The following PAH variants were observed in gnomAD, a reference collection of about 807,000 sequenced individuals.
PAH encodes phenylalanine-4-hydroxylase.
In PAH, 64 loss-of-function variants were observed where a neutral mutation model predicts 62.0. The observed-to-expected ratio is 1.03, with a 90% CI of 0.84 to 1.27. PAH has a LOEUF of 1.27. Ranked by LOEUF, PAH falls within the 50% of genes most tolerant of loss-of-function variation. The pLI is 0.00. For missense variants in PAH, 579 were observed against 542.8 expected, an observed-to-expected ratio of 1.07 and a Z score of -0.66; for synonymous variants, 195 against 196.2, an observed-to-expected ratio of 0.99 and a Z score of 0.05.
chr12:102,855,582 T>G (rs2136650186), intron 5 of PAH, among the ~76,000 whole-genome samples: 1 of 152,354 alleles, frequency 6.6e-6, no homozygotes, highest in East Asian at 1.9e-4. Context: ...TTGCTCTCAC[T>G]TTCGGGAAAT....
At chr12:102,929,622 C>A (rs1259642771) in intron 1 of PAH, among the ~76,000 whole-genome samples, 1 of 152,092 alleles carries the variant, frequency 6.6e-6, no homozygotes, top group African/African-American at 2.4e-5. Context: ...TTTGACAAGA[C>A]CACTCTGGCT....
chr12:102,859,091 G>A (rs995892394), intron 5 of PAH, among the ~76,000 whole-genome samples: 1 of 151,898 alleles, frequency 6.6e-6, no homozygotes, highest in Non-Finnish European at 1.5e-5. Context: ...GACTAATAAA[G>A]AAGAAAAGAG....
At chr12:102,841,720 T>C (rs1439031065) in intron 11 of PAH, among the ~76,000 whole-genome samples, 1 of 152,212 alleles carries the variant, frequency 6.6e-6, no homozygotes, top group African/African-American at 2.4e-5. Flanking sequence ...TACACATCTG[T>C]GATTTTGCCT....
At chr12:102,895,466 T>C (rs1045443214) in intron 2 of PAH, among the ~76,000 whole-genome samples, 18 of 152,166 alleles carry the variant, frequency 1.2e-4, no homozygotes, top group African/African-American at 3.6e-4. Context: ...CATAAGTTCA[T>C]TGGGAGTGTT....
At chr12:102,949,973 T>C (rs531169506) in intron 1 of PAH, among the ~76,000 whole-genome samples, 1 of 152,372 alleles carries the variant, frequency 6.6e-6, no homozygotes, top group Non-Finnish European at 1.5e-5. Context: ...TCAATGAGCA[T>C]GTCAGCCTTG....
chr12:102,853,377 A>ACCGAGATC, intron 6 of PAH: 1 of 304,610 alleles, frequency 3.3e-6, no homozygotes, highest in Non-Finnish European at 6.4e-6. Flanking sequence ...AAGAGTATGG[A>ACCGAGATC]TAGAGTGCTT....
intron 2 of PAH, among the ~76,000 whole-genome samples, chr12:102,903,315 C>T (rs537252514): frequency 2.0e-4 from 30 of 150,604 alleles, no homozygotes; most frequent in East Asian, 1.2e-3. Flanking sequence ...GGGCTGAGAT[C>T]GTACCAATGC....
At chr12:102,906,154 C>T (rs1877967509) in intron 2 of PAH, among the ~76,000 whole-genome samples, 1 of 151,996 alleles carries the variant, frequency 6.6e-6, no homozygotes. Context: ...AACATTAAAT[C>T]AACAAATTAC....
At chr12:102,862,642 A>C (rs1355955584) in intron 5 of PAH, among the ~76,000 whole-genome samples, 6 of 152,222 alleles carry the variant, frequency 3.9e-5, no homozygotes, top group African/African-American at 1.4e-4. Flanking sequence ...GATGTAAACC[A>C]AATAAAGCCT....
In PAH at chr12:102,856,192, A is replaced by G. The variant is rs891781961; in HGVS notation, c.510-860T>C. ...AATGCCTCATACCTTCTCTTCACTGAGCTTGTTCAAGTACATATGCCAGGC... is the reference window on the plus strand; with the variant it reads ...AATGCCTCATACCTTCTCTTCACTGGGCTTGTTCAAGTACATATGCCAGGC... On this transcript the variant is annotated intron_variant, in intron 5 of 12. Transcript: ENST00000553106. Among the ~76,000 whole-genome samples the G allele has an allele frequency of 7.9e-5, 12 of 152,272 alleles. No homozygotes were observed. The East Asian group carries it at 2.3e-3, about 29-fold the overall frequency.
chr12:102,945,611 TA>T (rs1197416722), intron 1 of PAH, among the ~76,000 whole-genome samples: 2 of 152,072 alleles, frequency 1.3e-5, no homozygotes, highest in Non-Finnish European at 2.9e-5. Flanking sequence ...ACTGCCAGGC[TA>T]TCACTGATCT....
At position 102,838,252 on chromosome 12, in the gene PAH, A is replaced by G. The variant is rs1267112931; in HGVS notation, c.*923T>C. ...GGCCATTTTCTCATGTTACAAAACTATCTAGCTAATGTATTTCTAAGGCAG... is the reference window on the plus strand; with the variant it reads ...GGCCATTTTCTCATGTTACAAAACTGTCTAGCTAATGTATTTCTAAGGCAG... On this transcript the variant is annotated 3_prime_UTR_variant, in exon 13 of 13. Coordinates refer to ENST00000553106, the MANE Select transcript of PAH (RefSeq NM_000277.3). 3.3e-5 allele frequency: 5 copies of G among 152,242 alleles called. No homozygotes were observed. The highest frequency in any genetic ancestry group is 7.3e-5 in the Non-Finnish European group (5 of 68,042). The allele number at this position is 152,242 out of a possible 1,614,324, so 9.4% of individuals were successfully genotyped here.
At chr12:102,918,803 A>T (rs1254299269), upstream of PAH, among the ~76,000 whole-genome samples, 2 of 152,144 alleles carry the variant, frequency 1.3e-5, no homozygotes, top group Non-Finnish European at 2.9e-5. Flanking sequence ...TTCCATCCTC[A>T]GGAGAATCTG....
At chr12:102,889,174 T>C (rs10860936) in intron 3 of PAH, among the ~76,000 whole-genome samples, 32,881 of 152,104 alleles carry the variant, frequency 0.22, 4,341 homozygotes, top group African/African-American at 0.37. Flanking sequence ...CACCCATGTA[T>C]TATCTTGCCC....
rs1875377960 is a variant in PAH at position 102,855,333 on chromosome 12, C to T, written c.510-1G>A. On this transcript the variant is annotated splice_acceptor_variant, in intron 5 of 12. Coordinates refer to ENST00000553106, the MANE Select transcript of PAH (RefSeq NM_000277.3). LOFTEE classifies it high-confidence loss of function. ...TTCCACTCGAGGGATGGGCTGCCCACTAGAATACAGGCACAAAATAGGTGT... is the reference window on the plus strand; with the variant it reads ...TTCCACTCGAGGGATGGGCTGCCCATTAGAATACAGGCACAAAATAGGTGT... 6.2e-7 allele frequency: 1 copy of T among 1,613,972 alleles called. No individual in the cohort carries two copies. The highest frequency in any genetic ancestry group is 8.5e-7 in the Non-Finnish European group (1 of 1,179,916).
rs932415157 is a variant in PAH, at chr12:102,855,268, T to C, written c.574A>G (p.Lys192Glu). ...EEKKTWGTVF[K>E]TLKSLYKTHA... ...GTTTTATACAAGGACTTCAGAGTCT[T>C]GAACACTGTGCCCCATGTTTTCTTT... The change falls in exon 6 of 13, where the codon AAG becomes GAG. Residue 192 changes from lysine (K) to glutamate (E), a missense_variant. Physicochemically the swap from Lys to Glu is moderately conservative, Grantham distance 56 (BLOSUM62 1). Transcript: ENST00000553106. 6.2e-7 allele frequency: 1 copy of C among 1,614,120 alleles called. No homozygotes were observed.
At chr12:102,844,595 C>G (rs1439313449) in intron 9 of PAH, among the ~76,000 whole-genome samples, 164 bp from the exon 10 acceptor site, 1 of 152,154 alleles carries the variant, frequency 6.6e-6, no homozygotes, top group Non-Finnish European at 1.5e-5. Flanking sequence ...AGTCAGTGGA[C>G]TGAGTGGGGA....
At chr12:102,879,052 C>T (rs1876702447) in intron 3 of PAH, among the ~76,000 whole-genome samples, 1 of 152,104 alleles carries the variant, frequency 6.6e-6, no homozygotes, top group South Asian at 2.1e-4. Flanking sequence ...AACTTCCAAT[C>T]AGCATGCGGT....
intron 11 of PAH, among the ~76,000 whole-genome samples, chr12:102,842,157 T>C (rs545775249): frequency 3.9e-5 from 6 of 152,130 alleles, no homozygotes; most frequent in Non-Finnish European, 8.8e-5. Context: ...TAGAGAGTTG[T>C]CTCCAGGAGG....
Sources: gnomAD v4.1 joint callset for allele counts (sites outside exome capture counted in the v4.1 genomes callset) on GRCh38, gnomAD v4.1.1 for gene constraint, MANE v1.5 for transcripts, NCBI Gene and HGNC (gene_info 2026-07-23, HGNC 2026-07-21) for gene names.